AOC1: variants seen among roughly 807,000 people sequenced by gnomAD.
AOC1 encodes amine oxidase copper containing 1, also known as diamine oxidase [copper-containing].
A neutral mutation model predicts 57.1 loss-of-function variants in AOC1; 58 were observed. The ratio of observed to expected loss-of-function variants is 1.02; its 90% CI spans 0.82 to 1.26. The LOEUF (loss-of-function observed/expected upper bound fraction) is 1.26. AOC1 is among the 50% of genes most tolerant of loss of function. The pLI, the probability that AOC1 is intolerant of heterozygous loss-of-function variation, is 0.00. For missense variants in AOC1, 917 were observed against 1,005.3 expected, an observed-to-expected ratio of 0.91 and a Z score of 1.19; for synonymous variants, 401 against 423.4, an observed-to-expected ratio of 0.95 and a Z score of 0.65.
chr7:150,860,943 G>C lies in AOC1; in HGVS notation c.1990G>C (p.Asp664His). 6.2e-7 allele frequency: 1 copy of C among 1,611,016 alleles called. No individual in the cohort carries two copies. Among genetic ancestry groups the C allele is most frequent in the Non-Finnish European group, 8.5e-7 (1 of 1,179,168 alleles). The change falls in exon 5 of 5, where the codon GAC (aspartate) becomes CAC (histidine). Residue 664 changes from aspartate to histidine, a missense_variant and splice_region_variant. Asp to His is a moderately conservative substitution (Grantham distance 81). Transcript: ENST00000360937. ...CTGAAGCCCACCCTGTCTCCTGCAG[G>C]ACCTGGTGGCCTGGGTGACGGTGGG... Reference protein sequence around the residue: ...LHNNENIENEDLVAWVTVGFL... With the variant: ...LHNNENIENEHLVAWVTVGFL...
intron 3 of AOC1, among the ~76,000 whole-genome samples, chr7:150,860,181 AAAAAG>A (rs1563099399): frequency 6.7e-6 from 1 of 148,442 alleles, no homozygotes. Flanking sequence ...TCCATCAAAA[AAAAAG>A]AAAAAGAAAA....
rs1799946987 is a variant in AOC1, at chr7:150,860,800, A to G, written c.1990-143A>G. ...GTGGACGGCAAGTTCAGAGGTCACAACAGAGCTGCTCATCTCTTTAAAAAG... is the reference window on the plus strand; with the variant it reads ...GTGGACGGCAAGTTCAGAGGTCACAGCAGAGCTGCTCATCTCTTTAAAAAG... On this transcript the variant is annotated intron_variant, in intron 4 of 4. Transcript: ENST00000360937. 6 of 1,365,470 alleles carry G rather than the reference A, an allele frequency of 4.4e-6. No individual in the cohort carries two copies. In the South Asian group the frequency reaches 6.7e-5, roughly 15 times the overall value. The allele number at this position is 1,365,470 out of a possible 1,614,324, so 84.6% of individuals were successfully genotyped here. A position where few individuals can be genotyped will look rare whatever the true frequency, so the allele number is the denominator to read the frequency against.
rs12179 is a variant in AOC1, at chr7:150,860,534, G to A, written c.1890G>A (p.Ser630=). Residue 630 remains serine (S), a synonymous_variant, in exon 4 of 5, where the codon TCG becomes TCA. Transcript: ENST00000360937. ...YPLAVTKYRE[S]ELCSSSIYHQ... ...TGGCAGTGACCAAGTACCGGGAGTC[G>A]GAGCTGTGCAGCAGCAGCATCTACC... 532,871 of 1,613,522 alleles carry A rather than the reference G, an allele frequency of 0.33. 93,764 individuals carry two copies. The highest frequency in any genetic ancestry group is 0.53 in the East Asian group (23,895 of 44,842).
rs1338376487 is a variant in AOC1 at position 150,859,057 on chromosome 7, G to T, written c.1856+9G>T. 1 of 1,543,194 alleles carries T rather than the reference G, an allele frequency of 6.5e-7. No homozygotes were observed. The highest frequency in any genetic ancestry group is 2.3e-5 in the East Asian group (1 of 43,802). Reference sequence around the variant, plus strand: ...GCCATCACCTGGGCAAGGTGAGGAAGACCCAGGGGGCCTGGGGGAGGGTCA... The same window carrying T: ...GCCATCACCTGGGCAAGGTGAGGAATACCCAGGGGGCCTGGGGGAGGGTCA... On this transcript the variant is annotated intron_variant, in intron 3 of 4. Coordinates refer to ENST00000360937, the MANE Select transcript of AOC1 (RefSeq NM_001091.4).
In AOC1 at chr7:150,857,771, A is replaced by G. The variant is rs1190457639; in HGVS notation, c.1301A>G (p.Asn434Ser). Residue 434 changes from asparagine (N) to serine (S), a missense_variant, in exon 2 of 5, where the codon AAC (asparagine) becomes AGC (serine). Transcript: ENST00000360937. This position sits in a 1 kb window ranked among gnomAD's most constrained non-coding sequence, Gnocchi z 6.6. ...GVPLRRHFNS[N>S]FKGGFNFYAG... ...CCCCTTCGGCGGCACTTTAATTCCA[A>G]CTTTAAAGGTGGCTTCAACTTCTAT... The G allele has an allele frequency of 1.4e-5, 23 of 1,614,000 alleles. No homozygotes were observed. The highest frequency in any genetic ancestry group is 1.9e-5 in the Non-Finnish European group (22 of 1,179,992).
At chr7:150,858,320 G>A (rs1799857931) in intron 2 of AOC1, among the ~76,000 whole-genome samples, 1 of 152,316 alleles carries the variant, frequency 6.6e-6, no homozygotes, top group African/African-American at 2.4e-5. Flanking sequence ...GGTAAGAAAT[G>A]TCACTGTCTA....
intron 2 of AOC1, 77 bp downstream of exon 2, chr7:150,858,117 A>AT: frequency 2.0e-6 from 3 of 1,472,344 alleles, no homozygotes. Flanking sequence ...AGACGGCACT[A>AT]TAACTCCCTG....
rs551775311 is a variant in AOC1 at position 150,861,408 on chromosome 7, GCACA to G, written c.*206_*209del. ...CAGACATGCACACACACACAGACGT[GCACA>G]CACACAGACGTGCACGCACTCACAC... On this transcript the variant is annotated 3_prime_UTR_variant, in exon 5 of 5. Coordinates refer to ENST00000360937, the MANE Select transcript of AOC1 (RefSeq NM_001091.4). The surrounding 1 kb of genome is among the most constrained non-coding windows in gnomAD (Gnocchi z 4.5). 1.3e-4 allele frequency: 76 copies of G among 579,592 alleles called. 1 individual carries two copies. The highest frequency in any genetic ancestry group is 1.2e-3 in the African/African-American group (66 of 54,178). The allele number at this position is 579,592 out of a possible 1,614,324, so 35.9% of individuals were successfully genotyped here.
chr7:150,858,406 G>T (rs889288752), intron 2 of AOC1, among the ~76,000 whole-genome samples: 2 of 152,104 alleles, frequency 1.3e-5, no homozygotes, highest in Admixed American at 1.3e-4. Flanking sequence ...TAAAAGAATG[G>T]CATGGGTAGA....
rs759612792 is a variant in AOC1 at position 150,857,391 on chromosome 7, C to T, written c.921C>T (p.Gly307=). The change falls in exon 2 of 5, where the codon GGC becomes GGT. Residue 307 remains glycine, a synonymous_variant. Transcript: ENST00000360937. The surrounding 1 kb of genome is among the most constrained non-coding windows in gnomAD (Gnocchi z 6.6). Reference sequence around the variant, plus strand: ...GCCCCCGCTTGGTCCAGCCCCACGGCCCTCGCTTCAGGCTGGAGGGCAACG... The same window carrying T: ...GCCCCCGCTTGGTCCAGCCCCACGGTCCTCGCTTCAGGCTGGAGGGCAACG... The part of the protein sequence containing the change: ...VSGPRLVQPH[G]PRFRLEGNAV... The T allele has an allele frequency of 1.2e-6, 2 of 1,610,288 alleles. No individual in the cohort carries two copies. The highest frequency in any genetic ancestry group is 1.3e-5 in the African/African-American group (1 of 75,022).
chr7:150,853,142 G>A (rs1346650331), intron 1 of AOC1, among the ~76,000 whole-genome samples: 2 of 152,204 alleles, frequency 1.3e-5, no homozygotes, highest in Non-Finnish European at 2.9e-5. Flanking sequence ...GAGCACAGAA[G>A]ATTTTGGGGG....
At position 150,858,959 on chromosome 7, in the gene AOC1, C is replaced by T. The variant is rs780294666; in HGVS notation, c.1767C>T (p.His589=). 19 of 1,608,744 alleles carry T rather than the reference C, an allele frequency of 1.2e-5. No homozygotes were observed. The African/African-American group carries it at 1.6e-4, about 14-fold the overall frequency. The change falls in exon 3 of 5, where the codon CAC becomes CAT. Residue 589 remains histidine, a synonymous_variant. Coordinates refer to ENST00000360937, the MANE Select transcript of AOC1 (RefSeq NM_001091.4). ...FTSPQENPWG[H]KRTYRLQIHS... ...GCCCCCAGGAGAACCCCTGGGGCCA[C>T]AAGCGCACGTACCGCCTGCAGATCC... is the stretch of plus-strand genomic sequence containing the variant.
At position 150,860,551 on chromosome 7, in the gene AOC1, G is replaced by T. The variant is rs374377255; in HGVS notation, c.1907G>T (p.Ser636Ile). 1.9e-6 allele frequency: 3 copies of T among 1,614,058 alleles called. No homozygotes were observed. The highest frequency in any genetic ancestry group is 2.5e-6 in the Non-Finnish European group (3 of 1,179,938). The change falls in exon 4 of 5, where the codon AGC (serine) becomes ATC (isoleucine). Residue 636 changes from serine (S) to isoleucine (I), a missense_variant. Coordinates refer to ENST00000360937, the MANE Select transcript of AOC1 (RefSeq NM_001091.4). ...KYRESELCSS[S>I]IYHQNDPWHP... is the part of the protein sequence containing the mutation. ...CGGGAGTCGGAGCTGTGCAGCAGCA[G>T]CATCTACCACCAGAACGACCCCTGG...
chr7:150,857,329 C>A lies in AOC1; in HGVS notation c.859C>A (p.Pro287Thr). The A allele has an allele frequency of 6.3e-7, 1 of 1,599,632 alleles. No individual in the cohort carries two copies. Among genetic ancestry groups the A allele is most frequent in the Non-Finnish European group, 8.5e-7 (1 of 1,171,376 alleles). The stretch of plus-strand genomic sequence containing the variant: ...GCCGCCCCTCTTCTCCTCCCACAAG[C>A]CCCGCGGGGACTTCCCCAGCCCCAT... ...EEPPLFSSHK[P>T]RGDFPSPIHV... Residue 287 changes from proline to threonine, a missense_variant, in exon 2 of 5, where the codon CCC becomes ACC. By Grantham distance (38) the Pro-to-Thr change is conservative (BLOSUM62 -1). Coordinates refer to ENST00000360937, the MANE Select transcript of AOC1 (RefSeq NM_001091.4). This position sits in a 1 kb window ranked among gnomAD's most constrained non-coding sequence, Gnocchi z 6.6.
chr7:150,858,120 A>G, intron 2 of AOC1, 80 bp downstream of exon 2: 2 of 1,464,842 alleles, frequency 1.4e-6, no homozygotes, highest in Non-Finnish European at 1.8e-6. Context: ...CGGCACTATA[A>G]CTCCCTGGTG....
intron 1 of AOC1, among the ~76,000 whole-genome samples, chr7:150,853,119 G>A (rs966120275): frequency 4.6e-5 from 7 of 152,180 alleles, no homozygotes; most frequent in African/African-American, 7.2e-5. Flanking sequence ...CTAGGGTTTC[G>A]GAGGAAGAGG....
intron 2 of AOC1, 34 bp downstream of exon 2, chr7:150,858,074 A>G: frequency 6.7e-7 from 1 of 1,493,998 alleles, no homozygotes; most frequent in African/African-American, 1.4e-5. Context: ...CCGTTCAAAC[A>G]TCTGCATCCA....
rs1294686349 is a variant in AOC1 at position 150,858,994 on chromosome 7, C to T, written c.1802C>T (p.Ala601Val). The change falls in exon 3 of 5, where the codon GCC (alanine) becomes GTC (valine). Residue 601 changes from alanine (A) to valine (V), a missense_variant. Ala to Val is a moderately conservative substitution (Grantham distance 64, BLOSUM62 0). Transcript: ENST00000360937. The stretch of plus-strand genomic sequence containing the variant: ...TACCGCCTGCAGATCCACTCCATGG[C>T]CGACCAGGTGCTGCCCCCAGGCTGG... ...RTYRLQIHSM[A>V]DQVLPPGWQE... 6.3e-7 allele frequency: 1 copy of T among 1,597,198 alleles called. No individual in the cohort carries two copies.
At chr7:150,858,685 G>C (rs1799868250) in intron 2 of AOC1, 78 bp from the exon 3 acceptor site, 2 of 1,432,980 alleles carry the variant, frequency 1.4e-6, no homozygotes, top group African/African-American at 1.4e-5. Flanking sequence ...GGTGGAGGAT[G>C]GAGATCCTGG....
Sources: allele counts gnomAD v4.1 joint callset (sites outside exome capture counted in the v4.1 genomes callset), GRCh38; gene constraint gnomAD v4.1.1; non-coding constraint Gnocchi (gnomAD v3.1); transcripts MANE v1.5; gene names NCBI Gene and HGNC (gene_info 2026-07-23, HGNC 2026-07-21).